Variants in SLC30A9 observed in about 807,000 individuals in gnomAD.
The protein encoded by SLC30A9 is proton-coupled zinc antiporter SLC30A9, mitochondrial.
In SLC30A9, 58 loss-of-function variants were observed where a neutral mutation model predicts 87.5. The ratio of observed to expected loss-of-function variants is 0.66; its 90% CI spans 0.54 to 0.82. SLC30A9 has a LOEUF of 0.82. SLC30A9 is among the 40% of genes least tolerant of loss of function. The pLI, the probability that SLC30A9 is intolerant of heterozygous loss-of-function variation, is 0.00. For synonymous variants in SLC30A9, 234 were observed against 233.0 expected, an observed-to-expected ratio of 1.00 and a Z score of -0.04; for missense variants, 557 against 679.1, an observed-to-expected ratio of 0.82 and a Z score of 2.00.
intron 9 of SLC30A9, among the ~76,000 whole-genome samples, chr4:42,053,145 TATATTA>T (rs1717452386): frequency 6.6e-6 from 1 of 152,182 alleles, no homozygotes; most frequent in Non-Finnish European, 1.5e-5. Flanking sequence ...TCAGGAAATG[TATATTA>T]ATACCACAAG....
At chr4:42,068,354 C>T (rs1718168839) in intron 14 of SLC30A9, among the ~76,000 whole-genome samples, 1 of 152,076 alleles carries the variant, frequency 6.6e-6, no homozygotes, top group African/African-American at 2.4e-5. Flanking sequence ...AGCAATTCTC[C>T]TGCCTCAGCC....
chr4:41,995,431 G>A (rs1280726979), intron 1 of SLC30A9, among the ~76,000 whole-genome samples: 1 of 152,018 alleles, frequency 6.6e-6, no homozygotes, highest in Non-Finnish European at 1.5e-5. Context: ...CATTATAGTT[G>A]CTGATAGTGT....
At chr4:41,997,065 A>AAAT (rs1560532863) in intron 1 of SLC30A9, among the ~76,000 whole-genome samples, 1 of 70,140 alleles carries the variant, frequency 1.4e-5, no homozygotes, top group Non-Finnish European at 4.2e-5. Flanking sequence ...AATAAATAAA[A>AAAT]ATGAAAAAGA....
rs539415673 is a variant in SLC30A9, at chr4:42,012,670, ATTGTG to A, written c.275-5440_275-5436del. Among the ~76,000 whole-genome samples the A allele has an allele frequency of 3.9e-5, 6 of 152,282 alleles. No individual in the cohort carries two copies. The South Asian group carries it at 1.2e-3, about 32-fold the overall frequency. On this transcript the variant is annotated intron_variant, in intron 2 of 17. Coordinates refer to ENST00000264451, the MANE Select transcript of SLC30A9 (RefSeq NM_006345.4). ...AGTTATTACTGACTATAGTCACCCTATTGTGCTATCAAATAGTAGATCTTTTTCTA... is the reference window on the plus strand; with the variant it reads ...AGTTATTACTGACTATAGTCACCCTACTATCAAATAGTAGATCTTTTTCTA...
Position 42,075,834 on chromosome 4 carries a change from C to G in SLC30A9, c.1548+48C>G, listed in dbSNP as rs760644049. On this transcript the variant is annotated intron_variant, in intron 16 of 17. Transcript: ENST00000264451. ...TACATAACTGAGGGTTAGAAAAATG[C>G]TTTTAAGGTAAACAAAATGAAATTT... The G allele has an allele frequency of 4.5e-6, 7 of 1,556,430 alleles. No homozygotes were observed. In the Admixed American group the frequency reaches 1.0e-4, roughly 23 times the overall value.
intron 2 of SLC30A9, among the ~76,000 whole-genome samples, chr4:42,004,809 G>A (rs753718808): frequency 3.0e-4 from 46 of 151,590 alleles, no homozygotes; most frequent in Non-Finnish European, 4.3e-4. Context: ...GTGCTGCCAC[G>A]CCCAGCTAAT....
Position 42,004,758 on chromosome 4 carries a change from C to T in SLC30A9, c.274+2978C>T, listed in dbSNP as rs113244131. Reference sequence around the variant, plus strand: ...CACTGCAGCCTTGACCTCCGGGGCTCGACCTACCTTAGCCCCCTAAGTAGC... The same window carrying T: ...CACTGCAGCCTTGACCTCCGGGGCTTGACCTACCTTAGCCCCCTAAGTAGC... On this transcript the variant is annotated intron_variant, in intron 2 of 17. Transcript: ENST00000264451. 2.6e-3 allele frequency among the ~76,000 whole-genome samples: 379 copies of T among 147,286 alleles called. 1 individual carries two copies. The highest frequency in any genetic ancestry group is 8.9e-3 in the African/African-American group (362 of 40,608).
intron 3 of SLC30A9, 163 bp downstream of exon 3, chr4:42,018,333 TA>T: frequency 1.1e-6 from 1 of 873,394 alleles, no homozygotes; most frequent in Non-Finnish European, 1.7e-6. Flanking sequence ...CTCTTACATA[TA>T]AACTAATTTT....
intron 6 of SLC30A9, among the ~76,000 whole-genome samples, chr4:42,028,723 G>A (rs1716293828): frequency 6.6e-6 from 1 of 152,146 alleles, no homozygotes; most frequent in South Asian, 2.1e-4. Flanking sequence ...AGAAATAGAA[G>A]CTGATAATCC....
At chr4:42,044,521 C>T (rs1336084489) in intron 8 of SLC30A9, among the ~76,000 whole-genome samples, 1 of 152,066 alleles carries the variant, frequency 6.6e-6, no homozygotes. Context: ...GCTAACTGTC[C>T]TAAATATATA....
chr4:42,014,577 G>A (rs986297143), intron 2 of SLC30A9, among the ~76,000 whole-genome samples: 9 of 149,376 alleles, frequency 6.0e-5, no homozygotes, highest in African/African-American at 2.2e-4. Context: ...AAAGGAAATC[G>A]GTATATCAGA....
At chr4:42,052,295 C>T (rs898092753) in intron 9 of SLC30A9, among the ~76,000 whole-genome samples, 7 of 152,122 alleles carry the variant, frequency 4.6e-5, no homozygotes, top group Non-Finnish European at 8.8e-5. Flanking sequence ...TACAATACCG[C>T]GTTCATAGAT....
At chr4:42,018,650 C>A in intron 3 of SLC30A9, 1 of 218,918 alleles carries the variant, frequency 4.6e-6, no homozygotes, top group Non-Finnish European at 9.1e-6. Flanking sequence ...TGATTAACAG[C>A]ACTGTGGCTT....
At chr4:42,022,485 C>T (rs1019183180) in intron 4 of SLC30A9, among the ~76,000 whole-genome samples, 8 of 152,036 alleles carry the variant, frequency 5.3e-5, no homozygotes, top group South Asian at 4.2e-4. Context: ...CCTCTCAAAG[C>T]GCTGGGAGTG....
intron 8 of SLC30A9, among the ~76,000 whole-genome samples, chr4:42,041,325 G>A (rs914908330): frequency 7.9e-5 from 12 of 152,048 alleles, no homozygotes; most frequent in East Asian, 7.7e-4. Flanking sequence ...TCACTCTGTC[G>A]CCAGGCTGGA....
At chr4:42,083,911 AC>A (rs1718827267) in intron 17 of SLC30A9, among the ~76,000 whole-genome samples, 1 of 152,138 alleles carries the variant, frequency 6.6e-6, no homozygotes, top group Non-Finnish European at 1.5e-5. Flanking sequence ...AGAGGAAAGT[AC>A]CCCCAGGCAC....
intron 17 of SLC30A9, among the ~76,000 whole-genome samples, chr4:42,084,312 T>G (rs1291562677): frequency 6.6e-6 from 1 of 152,144 alleles, no homozygotes; most frequent in African/African-American, 2.4e-5. Context: ...ATACTACTTC[T>G]CTTGATTTAA....
At chr4:42,029,423 T>C in intron 6 of SLC30A9, 1 of 572,204 alleles carries the variant, frequency 1.7e-6, no homozygotes, top group Non-Finnish European at 3.4e-6. Flanking sequence ...CAGAACCACA[T>C]ATCAGGACCC....
At chr4:42,067,030 G>T in intron 13 of SLC30A9, 55 bp from the exon 14 acceptor site, 1 of 970,562 alleles carries the variant, frequency 1.0e-6, no homozygotes, top group South Asian at 1.3e-5. Flanking sequence ...TTACCTGATA[G>T]TATCAAGTTA....
Sources: gnomAD v4.1 joint callset for allele counts (sites outside exome capture counted in the v4.1 genomes callset) on GRCh38, gnomAD v4.1.1 for gene constraint, MANE v1.5 for transcripts, NCBI Gene and HGNC (gene_info 2026-07-23, HGNC 2026-07-21) for gene names.